Variants in CHN1 observed in about 807,000 individuals in gnomAD.
CHN1 encodes the protein chimerin 1.
A neutral mutation model predicts 59.5 loss-of-function variants in CHN1; 37 were observed. The observed-to-expected ratio is 0.62, with a 90% CI of 0.48 to 0.82. The LOEUF (loss-of-function observed/expected upper bound fraction) is 0.82. Ranked by LOEUF, CHN1 falls within the 40% of genes least tolerant of loss-of-function variation. The pLI is 0.00. For synonymous variants in CHN1, 206 were observed against 200.4 expected (o/e 1.03, Z -0.24); for missense variants, 469 against 571.0 (o/e 0.82, Z 1.82).
At chr2:174,908,709 C>T (rs1356380867) in intron 5 of CHN1, among the ~76,000 whole-genome samples, 2 of 152,080 alleles carry the variant, frequency 1.3e-5, no homozygotes, top group African/African-American at 4.8e-5. Context: ...GTATCTGGCA[C>T]GATATAGAAG....
intron 5 of CHN1, among the ~76,000 whole-genome samples, chr2:174,898,512 G>A (rs752769610): frequency 1.3e-5 from 2 of 151,996 alleles, no homozygotes; most frequent in East Asian, 3.9e-4. Flanking sequence ...GCTGAGGCAG[G>A]AGAATCACTT....
intron 6 of CHN1, among the ~76,000 whole-genome samples, chr2:174,859,771 T>C (rs1318312537): frequency 6.6e-6 from 1 of 152,110 alleles, no homozygotes; most frequent in Admixed American, 6.6e-5. Flanking sequence ...GCCTGAGACC[T>C]AGGGATATAA....
intron 5 of CHN1, among the ~76,000 whole-genome samples, chr2:174,883,389 G>A (rs774385327): frequency 6.6e-6 from 1 of 152,192 alleles, no homozygotes; most frequent in Non-Finnish European, 1.5e-5. Flanking sequence ...TAAAGAAACT[G>A]ATACCTCCAT....
chr2:174,908,099 G>C (rs1003741592), intron 5 of CHN1, among the ~76,000 whole-genome samples: 1 of 152,160 alleles, frequency 6.6e-6, no homozygotes, highest in African/African-American at 2.4e-5. Context: ...TACAGGGTTT[G>C]GGGATTATCA....
At chr2:174,963,910 G>C (rs1690505678) in intron 1 of CHN1, among the ~76,000 whole-genome samples, 4 of 152,166 alleles carry the variant, frequency 2.6e-5, no homozygotes, top group Non-Finnish European at 1.5e-5. Context: ...GTCTAAGCTA[G>C]GTTCTGTGTG....
In CHN1 at chr2:174,808,485, A is replaced by C. The variant is rs1684974879; in HGVS notation, c.1102+420T>G. ...TTTTTAGTAGAGATGGGGTTTCACC[A>C]TGTTGGCCAGGCTGGTCTTGCACTC... On this transcript the variant is annotated intron_variant, in intron 11 of 12. Coordinates refer to ENST00000409900, the MANE Select transcript of CHN1 (RefSeq NM_001822.7). Among the ~76,000 whole-genome samples, 13 of 152,248 alleles carry C rather than the reference A, an allele frequency of 8.5e-5. No individual in the cohort carries two copies. In the South Asian group the frequency reaches 2.5e-3, roughly 29 times the overall value.
At chr2:175,001,896 C>A (rs1691901485) in intron 1 of CHN1, among the ~76,000 whole-genome samples, 1 of 152,234 alleles carries the variant, frequency 6.6e-6, no homozygotes, top group South Asian at 2.1e-4. Flanking sequence ...ATTCAAGGAT[C>A]TGAGACTTTC....
chr2:174,851,507 C>CCTGGGCTCAAGTGATTCA (rs1686729126), intron 6 of CHN1, among the ~76,000 whole-genome samples: 3 of 152,120 alleles, frequency 2.0e-5, no homozygotes, highest in Admixed American at 2.0e-4. Context: ...GTCTGGAACT[C>CCTGGGCTCAAGTGATTCA]CTGGGCTCAA....
At chr2:174,990,677 T>A (rs1269754685) in intron 1 of CHN1, among the ~76,000 whole-genome samples, 2 of 151,932 alleles carry the variant, frequency 1.3e-5, no homozygotes, top group Non-Finnish European at 2.9e-5. Context: ...TAACTTCAAC[T>A]AAAAAAAATG....
intron 8 of CHN1, among the ~76,000 whole-genome samples, chr2:174,822,392 T>C (rs559542430): frequency 6.6e-6 from 1 of 152,206 alleles, no homozygotes; most frequent in Non-Finnish European, 1.5e-5. Flanking sequence ...AACATTTCTT[T>C]CCAACATGAT....
chr2:174,800,088 A>C lies in CHN1; in HGVS notation c.*28T>G. ...TATAAAACATTCCTTCATCTGTAAA[A>C]CATTTCTTTTCCCCTCAAATTAAAA... On this transcript the variant is annotated 3_prime_UTR_variant, in exon 13 of 13. Transcript: ENST00000409900. The C allele has an allele frequency of 1.3e-6, 2 of 1,520,476 alleles. No homozygotes were observed. The highest frequency in any genetic ancestry group is 2.5e-5 in the South Asian group (2 of 79,612). The allele number at this position is 1,520,476 out of a possible 1,614,324, so 94.2% of individuals were successfully genotyped here.
At chr2:175,001,141 GGAT>G (rs776045637) in intron 1 of CHN1, among the ~76,000 whole-genome samples, 137 of 152,294 alleles carry the variant, frequency 9.0e-4, no homozygotes, top group Non-Finnish European at 1.5e-3. Context: ...ATTTAAATAA[GGAT>G]GATGATTTAA....
intron 5 of CHN1, among the ~76,000 whole-genome samples, chr2:174,889,718 GGGACT>G (rs1314129645): frequency 6.6e-6 from 1 of 152,086 alleles, no homozygotes; most frequent in Non-Finnish European, 1.5e-5. Context: ...GAAATCCTAA[GGGACT>G]TATGGGATAC....
At chr2:174,921,287 T>A (rs1171728657) in intron 3 of CHN1, among the ~76,000 whole-genome samples, 3 of 152,172 alleles carry the variant, frequency 2.0e-5, no homozygotes, top group Admixed American at 2.0e-4. Context: ...AAGTTGTAGG[T>A]AACTAATAGA....
rs1283726252 is a variant in CHN1 at position 174,799,281 on chromosome 2, A to C, written c.*835T>G. 6.4e-6 allele frequency: 2 copies of C among 310,854 alleles called. No homozygotes were observed. The highest frequency in any genetic ancestry group is 9.6e-5 in the Admixed American group (2 of 20,848). The allele number at this position is 310,854 out of a possible 1,614,324, so 19.3% of individuals were successfully genotyped here. A position where few individuals can be genotyped will look rare whatever the true frequency, so the allele number is the denominator to read the frequency against. On this transcript the variant is annotated 3_prime_UTR_variant, in exon 13 of 13. Coordinates refer to ENST00000409900, the MANE Select transcript of CHN1 (RefSeq NM_001822.7). ...AGCAGTTTTAAATGATTATTTTAGA[A>C]GCTTATCACTTTTAACAGTAAACAA...
At position 174,800,025 on chromosome 2, in the gene CHN1, T is replaced by C. The variant is rs1684668415; in HGVS notation, c.*91A>G. On this transcript the variant is annotated 3_prime_UTR_variant, in exon 13 of 13. Transcript: ENST00000409900. ...TCTGGTTATATGCCCAAACCTCTAATCAAGAAATAATGCAGCTACAGGAGC... is the reference window on the plus strand; with the variant it reads ...TCTGGTTATATGCCCAAACCTCTAACCAAGAAATAATGCAGCTACAGGAGC... The C allele has an allele frequency of 1.6e-6, 2 of 1,235,054 alleles. No individual in the cohort carries two copies. Among genetic ancestry groups the C allele is most frequent in the Non-Finnish European group, 2.3e-6 (2 of 868,904 alleles). The allele number at this position is 1,235,054 out of a possible 1,614,324, so 76.5% of individuals were successfully genotyped here. A position where few individuals can be genotyped will look rare whatever the true frequency, so the allele number is the denominator to read the frequency against.
chr2:174,852,749 G>A (rs1392438017), intron 6 of CHN1, among the ~76,000 whole-genome samples: 1 of 152,136 alleles, frequency 6.6e-6, no homozygotes, highest in East Asian at 1.9e-4. Flanking sequence ...ACCAATGGAA[G>A]AGAGCAGAAT....
intron 1 of CHN1, among the ~76,000 whole-genome samples, chr2:175,002,487 G>A (rs1315153762): frequency 6.6e-6 from 1 of 152,164 alleles, no homozygotes; most frequent in African/African-American, 2.4e-5. Flanking sequence ...TTAAATGTAT[G>A]CAAATACAAA....
chr2:174,926,413 T>C (rs761935832), intron 3 of CHN1, among the ~76,000 whole-genome samples: 4 of 151,978 alleles, frequency 2.6e-5, no homozygotes, highest in Non-Finnish European at 5.9e-5. Context: ...GAAAAATAAA[T>C]TATCAGGACC....
Sources: gnomAD v4.1 joint callset for allele counts (sites outside exome capture counted in the v4.1 genomes callset) on GRCh38, gnomAD v4.1.1 for gene constraint, MANE v1.5 for transcripts, NCBI Gene and HGNC (gene_info 2026-07-23, HGNC 2026-07-21) for gene names.